HMGCLL1: variants seen among roughly 807,000 people sequenced by gnomAD.
The protein encoded by HMGCLL1 is 3-hydroxymethyl-3-methylglutaryl-CoA lyase, cytoplasmic.
HMGCLL1 carries 36 observed loss-of-function variants against 39.1 expected under a neutral mutation model. The ratio of observed to expected loss-of-function variants is 0.92; its 90% CI spans 0.71 to 1.22. HMGCLL1 has a LOEUF of 1.22. Among genes scored for constraint, HMGCLL1 ranks in the 50% most tolerant of loss-of-function variants. The pLI is 0.00. For missense variants in HMGCLL1, 451 were observed against 416.5 expected, an observed-to-expected ratio of 1.08 and a Z score of -0.72; for synonymous variants, 149 against 144.0, an observed-to-expected ratio of 1.03 and a Z score of -0.25.
At chr6:55,592,004 A>T in the HMGCLL1 span, among the ~76,000 whole-genome samples, 1 of 152,028 alleles carries the variant, frequency 6.6e-6, no homozygotes, top group East Asian at 1.9e-4. Flanking sequence ...TTTTATAATA[A>T]AATACTAATT....
At chr6:55,448,429 T>C (rs1298936347) in intron 7 of HMGCLL1, among the ~76,000 whole-genome samples, 1 of 151,582 alleles carries the variant, frequency 6.6e-6, no homozygotes, top group Admixed American at 6.6e-5. Context: ...ATACTAACTA[T>C]AGTTCCATTT....
At chr6:55,491,873 T>C (rs887075673) in intron 7 of HMGCLL1, among the ~76,000 whole-genome samples, 5 of 152,060 alleles carry the variant, frequency 3.3e-5, no homozygotes, top group Non-Finnish European at 2.9e-5. Flanking sequence ...ATATGATAAT[T>C]ATTCTTGAAT....
chr6:55,625,893 G>C, the HMGCLL1 span, among the ~76,000 whole-genome samples: 1 of 152,160 alleles, frequency 6.6e-6, no homozygotes, highest in South Asian at 2.1e-4. Context: ...TAATCAAGTA[G>C]ATAGGATGAC....
At chr6:55,546,651 A>C (rs1296755843) in intron 1 of HMGCLL1, among the ~76,000 whole-genome samples, 1 of 152,104 alleles carries the variant, frequency 6.6e-6, no homozygotes, top group African/African-American at 2.4e-5. Flanking sequence ...CTTTTCTTAC[A>C]TACTGAATAT....
chr6:55,661,713 T>C, the HMGCLL1 span, among the ~76,000 whole-genome samples: 3 of 151,930 alleles, frequency 2.0e-5, no homozygotes, highest in Non-Finnish European at 4.4e-5. Flanking sequence ...TGGTTTCATA[T>C]AAATTTTTAA....
At chr6:55,570,344 G>A (rs1771415308) in intron 1 of HMGCLL1, among the ~76,000 whole-genome samples, 1 of 152,138 alleles carries the variant, frequency 6.6e-6, no homozygotes, top group Admixed American at 6.5e-5. Flanking sequence ...AATTACCCTT[G>A]AGAAGAAGGC....
At chr6:55,673,548 T>C in the HMGCLL1 span, among the ~76,000 whole-genome samples, 11 of 151,846 alleles carry the variant, frequency 7.2e-5, no homozygotes, top group Non-Finnish European at 1.5e-4. Flanking sequence ...TTGGAGAAAA[T>C]AGCAAACACC....
chr6:55,637,227 C>T, the HMGCLL1 span, among the ~76,000 whole-genome samples: 9 of 152,102 alleles, frequency 5.9e-5, no homozygotes, highest in African/African-American at 2.2e-4. Flanking sequence ...GGCACAGTCT[C>T]CATTCTACAG....
the HMGCLL1 span, among the ~76,000 whole-genome samples, chr6:55,660,465 C>T: frequency 2.0e-5 from 3 of 151,554 alleles, no homozygotes; most frequent in East Asian, 1.9e-4. Context: ...GAAAACATGC[C>T]GTATTTGGTT....
At chr6:55,500,633 C>G (rs1355770480) in intron 5 of HMGCLL1, among the ~76,000 whole-genome samples, 1 of 151,840 alleles carries the variant, frequency 6.6e-6, no homozygotes, top group Non-Finnish European at 1.5e-5. Context: ...AGGATAAATT[C>G]AAGTAAAATT....
At chr6:55,443,778 A>G (rs575625166) in intron 7 of HMGCLL1, among the ~76,000 whole-genome samples, 133 of 152,312 alleles carry the variant, frequency 8.7e-4, no homozygotes, top group African/African-American at 3.0e-3. Flanking sequence ...AAAAAAGAAT[A>G]CTGGCATTGA....
chr6:55,614,308 T>G, the HMGCLL1 span, among the ~76,000 whole-genome samples: 1 of 152,120 alleles, frequency 6.6e-6, no homozygotes, highest in Non-Finnish European at 1.5e-5. Flanking sequence ...AGTGACCTAA[T>G]AAGAAGAACT....
the HMGCLL1 span, among the ~76,000 whole-genome samples, chr6:55,674,134 A>C: frequency 1.3e-5 from 2 of 151,988 alleles, no homozygotes; most frequent in African/African-American, 2.4e-5. Context: ...GATACATGTT[A>C]CCATTATCAA....
At chr6:55,647,740 T>TC in the HMGCLL1 span, among the ~76,000 whole-genome samples, 10 of 125,292 alleles carry the variant, frequency 8.0e-5, no homozygotes, top group African/African-American at 3.6e-4. Flanking sequence ...TGTCTTTTTT[T>TC]TTTCCTTTTT....
chr6:55,556,596 TAG>T (rs1173142778), intron 1 of HMGCLL1, among the ~76,000 whole-genome samples: 1 of 152,112 alleles, frequency 6.6e-6, no homozygotes, highest in Non-Finnish European at 1.5e-5. Flanking sequence ...GGAAAGCCAC[TAG>T]AGAGTGGGCT....
At chr6:55,582,133 C>T (rs1771996346), upstream of HMGCLL1, among the ~76,000 whole-genome samples, 1 of 152,108 alleles carries the variant, frequency 6.6e-6, no homozygotes, top group Non-Finnish European at 1.5e-5. Flanking sequence ...AGAGTTGGTT[C>T]TAGATTATCT....
chr6:55,646,009 A>AAGCCATC, the HMGCLL1 span, among the ~76,000 whole-genome samples: 2 of 151,934 alleles, frequency 1.3e-5, no homozygotes, highest in Non-Finnish European at 2.9e-5. Context: ...ATCAGCAGCA[A>AAGCCATC]AGCCATCAGT....
At chr6:55,523,679 T>C (rs2127443414) in intron 3 of HMGCLL1, among the ~76,000 whole-genome samples, 1 of 151,996 alleles carries the variant, frequency 6.6e-6, no homozygotes, top group African/African-American at 2.4e-5. Flanking sequence ...TAGTACACAA[T>C]TTTACCTCAT....
intron 3 of HMGCLL1, among the ~76,000 whole-genome samples, chr6:55,534,675 T>G (rs1347510823): frequency 1.3e-5 from 2 of 152,192 alleles, no homozygotes; most frequent in African/African-American, 4.8e-5. Flanking sequence ...TCTATCTCAT[T>G]GTGAGTACCT....
Sources: allele counts gnomAD v4.1 joint callset (sites outside exome capture counted in the v4.1 genomes callset), GRCh38; gene constraint gnomAD v4.1.1; transcripts MANE v1.5; gene names NCBI Gene and HGNC (gene_info 2026-07-23, HGNC 2026-07-21).